Variants in PLCXD3 observed in about 807,000 individuals in gnomAD.
The protein encoded by PLCXD3 is phosphatidylinositol specific phospholipase C X domain containing 3.
In PLCXD3, 19 loss-of-function variants were observed where a neutral mutation model predicts 25.5. That is an observed-to-expected ratio of 0.75 (90% confidence interval 0.52 to 1.09). PLCXD3 has a LOEUF of 1.09. PLCXD3 is among the 50% of genes least tolerant of loss of function. The pLI, the probability that PLCXD3 is intolerant of heterozygous loss-of-function variation, is 0.00. For missense variants in PLCXD3, 411 were observed against 388.1 expected, an observed-to-expected ratio of 1.06 and a Z score of -0.50; for synonymous variants, 174 against 137.6, an observed-to-expected ratio of 1.26 and a Z score of -1.85.
Position 41,471,813 on chromosome 5 carries a change from CTCCCG to C in PLCXD3, c.103+38606_103+38610del, listed in dbSNP as rs1561283152. ...TTCCCTTCCCTTCCCTTCCCCTCCC[CTCCCG>C]TCCCCTCCCCTCCCCTCCCCTCCCC... On this transcript the variant is annotated intron_variant, in intron 1 of 2. Transcript: ENST00000377801. Among the ~76,000 whole-genome samples the C allele has an allele frequency of 4.3e-3, 118 of 27,288 alleles. 21 individuals are homozygous for C. The highest frequency in any genetic ancestry group is 0.017 in the African/African-American group (95 of 5,622). 17.9% of individuals were successfully genotyped at this position (27,288 alleles called of 152,430 possible). A position where few individuals can be genotyped will look rare whatever the true frequency, so the allele number is the denominator to read the frequency against.
intron 1 of PLCXD3, among the ~76,000 whole-genome samples, chr5:41,479,272 T>C (rs2150522295): frequency 6.6e-6 from 1 of 152,246 alleles, no homozygotes; most frequent in South Asian, 2.1e-4. Flanking sequence ...ATGAGGTGCC[T>C]AGAGTAATCA....
At chr5:41,318,463 C>T (rs114537890) in intron 2 of PLCXD3, among the ~76,000 whole-genome samples, 81 of 152,054 alleles carry the variant, frequency 5.3e-4, no homozygotes, top group African/African-American at 1.8e-3. Context: ...GAAGTTAAGG[C>T]GTATTTTTAT....
At chr5:41,478,961 C>T (rs1748337675) in intron 1 of PLCXD3, among the ~76,000 whole-genome samples, 1 of 152,220 alleles carries the variant, frequency 6.6e-6, no homozygotes, top group South Asian at 2.1e-4. Context: ...ATCATGAGAA[C>T]AGCAAGGGGG....
Position 41,452,361 on chromosome 5 carries a change from G to A in PLCXD3, c.103+58063C>T, listed in dbSNP as rs1044252496. Among the ~76,000 whole-genome samples, 4 of 152,062 alleles carry A rather than the reference G, an allele frequency of 2.6e-5. No individual in the cohort carries two copies. In the East Asian group the frequency reaches 7.8e-4, roughly 29 times the overall value. ...AGTTAGATTTTCACAAATTTTGAAG[G>A]AATGTTTCAAAAGGAATGTTTGAAG... is the stretch of plus-strand genomic sequence containing the variant. On this transcript the variant is annotated intron_variant, in intron 1 of 2. Transcript: ENST00000377801.
At chr5:41,428,552 C>T (rs1421677555) in intron 1 of PLCXD3, among the ~76,000 whole-genome samples, 1 of 151,956 alleles carries the variant, frequency 6.6e-6, no homozygotes, top group Non-Finnish European at 1.5e-5. Context: ...AGAAACAAAA[C>T]CAGCCAACCC....
At chr5:41,397,047 C>A (rs1746028685) in intron 1 of PLCXD3, among the ~76,000 whole-genome samples, 1 of 152,176 alleles carries the variant, frequency 6.6e-6, no homozygotes, top group Non-Finnish European at 1.5e-5. Context: ...TGCAGCCCTA[C>A]CATGCAGTAG....
chr5:41,356,593 A>G (rs543927626), intron 2 of PLCXD3, among the ~76,000 whole-genome samples: 2 of 152,250 alleles, frequency 1.3e-5, no homozygotes, highest in East Asian at 3.9e-4. Context: ...AAATATGTGG[A>G]TCCCTGTTTT....
chr5:41,435,865 C>G (rs1221637396), intron 1 of PLCXD3, among the ~76,000 whole-genome samples: 1 of 152,218 alleles, frequency 6.6e-6, no homozygotes, highest in Non-Finnish European at 1.5e-5. Flanking sequence ...ACAGGGCCCA[C>G]CATTCAGCAT....
chr5:41,379,240 G>A (rs1380357873), intron 2 of PLCXD3, among the ~76,000 whole-genome samples: 1 of 152,034 alleles, frequency 6.6e-6, no homozygotes, highest in Non-Finnish European at 1.5e-5. Flanking sequence ...AAAATCTGGG[G>A]ACTCTGTGGG....
intron 1 of PLCXD3, among the ~76,000 whole-genome samples, chr5:41,428,497 G>T (rs1402165661): frequency 6.6e-6 from 1 of 151,000 alleles, no homozygotes; most frequent in African/African-American, 2.4e-5. Flanking sequence ...AAAAGATCAC[G>T]TGAGGACACA....
At chr5:41,397,041 G>C (rs1363892415) in intron 1 of PLCXD3, among the ~76,000 whole-genome samples, 1 of 152,180 alleles carries the variant, frequency 6.6e-6, no homozygotes, top group Non-Finnish European at 1.5e-5. Flanking sequence ...AAAATTTGCA[G>C]CCCTACCATG....
At chr5:41,363,058 A>G (rs1292995599) in intron 2 of PLCXD3, among the ~76,000 whole-genome samples, 1 of 152,218 alleles carries the variant, frequency 6.6e-6, no homozygotes, top group Non-Finnish European at 1.5e-5. Context: ...ATGATGCTAG[A>G]AGAGGGGACA....
At chr5:41,497,014 A>G (rs1027995621) in intron 1 of PLCXD3, among the ~76,000 whole-genome samples, 2 of 151,744 alleles carry the variant, frequency 1.3e-5, no homozygotes, top group Non-Finnish European at 3.0e-5. Context: ...ATGTGTTGTA[A>G]GATATTTCAT....
intron 1 of PLCXD3, among the ~76,000 whole-genome samples, chr5:41,430,886 T>C (rs1177499219): frequency 2.0e-5 from 3 of 152,216 alleles, no homozygotes; most frequent in Non-Finnish European, 4.4e-5. Context: ...CTGAAACTTC[T>C]GTAGCCACAG....
At chr5:41,480,956 T>C (rs73079787) in intron 1 of PLCXD3, among the ~76,000 whole-genome samples, 1,680 of 152,022 alleles carry the variant, frequency 0.011, 26 homozygotes, top group African/African-American at 0.038. Context: ...ATAGTGGAAA[T>C]ATCAGTTGAA....
At chr5:41,453,039 C>A (rs1747672134) in intron 1 of PLCXD3, among the ~76,000 whole-genome samples, 1 of 151,928 alleles carries the variant, frequency 6.6e-6, no homozygotes, top group South Asian at 2.1e-4. Flanking sequence ...CTACCCTCAG[C>A]ACTTTTCAAG....
chr5:41,385,349 C>A (rs1274020535), intron 1 of PLCXD3, among the ~76,000 whole-genome samples: 1 of 152,054 alleles, frequency 6.6e-6, no homozygotes, highest in Non-Finnish European at 1.5e-5. Context: ...CTTAATGTTA[C>A]TCCTCTGATG....
chr5:41,475,652 T>C (rs377490768), intron 1 of PLCXD3: 18 of 534,692 alleles, frequency 3.4e-5, no homozygotes, highest in Admixed American at 1.9e-5. Context: ...TTTGTCCCTG[T>C]TCAGGCGCCA....
chr5:41,382,381 C>A lies in PLCXD3; in HGVS notation c.257G>T (p.Gly86Val). Residue 86 changes from glycine to valine, a missense_variant, in exon 2 of 3, where the codon GGC (glycine) becomes GTC (valine). Physicochemically the swap from Gly to Val is moderately radical, Grantham distance 109. Transcript: ENST00000377801. ...ATAACGAATTCCAGCTCCTAGCTGGCCAGTAAAATTCATTGTCTGAGTGGC... is the reference window on the plus strand; with the variant it reads ...ATAACGAATTCCAGCTCCTAGCTGGACAGTAAAATTCATTGTCTGAGTGGC... ...WLATQTMNFT[G>V]QLGAGIRYFD... 1 of 1,613,446 alleles carries A rather than the reference C, an allele frequency of 6.2e-7. No homozygotes were observed. The highest frequency in any genetic ancestry group is 8.5e-7 in the Non-Finnish European group (1 of 1,179,692).
Sources: gnomAD v4.1 joint callset for allele counts (sites outside exome capture counted in the v4.1 genomes callset) on GRCh38, gnomAD v4.1.1 for gene constraint, MANE v1.5 for transcripts, NCBI Gene and HGNC (gene_info 2026-07-23, HGNC 2026-07-21) for gene names.